HS6ST3: variants seen among roughly 807,000 people sequenced by gnomAD.
HS6ST3 encodes the protein heparan-sulfate 6-O-sulfotransferase 3.
Under a neutral mutation model 36.7 loss-of-function variants are expected in HS6ST3, and 12 were observed. The ratio of observed to expected loss-of-function variants is 0.33; its 90% CI spans 0.21 to 0.53. The LOEUF (loss-of-function observed/expected upper bound fraction) is 0.53. Ranked by LOEUF, HS6ST3 falls within the 20% of genes least tolerant of loss-of-function variation. The pLI is 0.95. For missense variants in HS6ST3, 584 were observed against 640.9 expected, an observed-to-expected ratio of 0.91 and a Z score of 0.96; for synonymous variants, 240 against 257.5, an observed-to-expected ratio of 0.93 and a Z score of 0.65.
At chr13:96,595,859 G>A (rs1471438802) in intron 1 of HS6ST3, among the ~76,000 whole-genome samples, 1 of 147,542 alleles carries the variant, frequency 6.8e-6, no homozygotes, top group Non-Finnish European at 1.5e-5. Context: ...TCAGCTCCAG[G>A]ATTTGTTTGA....
intron 1 of HS6ST3, among the ~76,000 whole-genome samples, chr13:96,297,664 C>G (rs909736045): frequency 1.1e-4 from 16 of 151,868 alleles, no homozygotes; most frequent in African/African-American, 3.9e-4. Context: ...GTATAGTTCT[C>G]CTCTCCCTCA....
At chr13:96,172,317 T>C (rs2054191432) in intron 1 of HS6ST3, among the ~76,000 whole-genome samples, 1 of 152,170 alleles carries the variant, frequency 6.6e-6, no homozygotes, top group Non-Finnish European at 1.5e-5. Flanking sequence ...CAGTCCAGTG[T>C]TGAAACCATG....
intron 1 of HS6ST3, among the ~76,000 whole-genome samples, chr13:96,558,307 G>A (rs2056248915): frequency 6.6e-6 from 1 of 152,188 alleles, no homozygotes; most frequent in South Asian, 2.1e-4. Flanking sequence ...TGTACTGTGT[G>A]CCAAGTTCTG....
chr13:96,098,769 T>A (rs990510090), intron 1 of HS6ST3, among the ~76,000 whole-genome samples: 4 of 152,224 alleles, frequency 2.6e-5, no homozygotes, highest in Admixed American at 2.6e-4. Context: ...TTATCTGCTC[T>A]GCACTTCAGT....
chr13:96,103,471 C>G (rs1367082163), intron 1 of HS6ST3, among the ~76,000 whole-genome samples: 2 of 152,112 alleles, frequency 1.3e-5, no homozygotes, highest in African/African-American at 2.4e-5. Context: ...GGCTGTCAAA[C>G]AAATGTTGAC....
At chr13:96,786,457 C>T (rs1877652408) in intron 1 of HS6ST3, among the ~76,000 whole-genome samples, 1 of 152,058 alleles carries the variant, frequency 6.6e-6, no homozygotes, top group South Asian at 2.1e-4. Flanking sequence ...TTCCCCAGAC[C>T]CTGGCATACA....
chr13:96,552,564 C>T (rs189436865), intron 1 of HS6ST3, among the ~76,000 whole-genome samples: 5 of 152,256 alleles, frequency 3.3e-5, no homozygotes, highest in African/African-American at 7.2e-5. Flanking sequence ...TCCTGCTGCC[C>T]GCTCTTGATG....
intron 1 of HS6ST3, among the ~76,000 whole-genome samples, chr13:96,324,996 G>A (rs1027707286): frequency 4.6e-5 from 7 of 152,146 alleles, no homozygotes; most frequent in Middle Eastern, 3.4e-3. Flanking sequence ...ATTTTAGGAT[G>A]GACAATTTGT....
At chr13:96,777,168 A>G (rs532298983) in intron 1 of HS6ST3, among the ~76,000 whole-genome samples, 46 of 152,288 alleles carry the variant, frequency 3.0e-4, no homozygotes, top group South Asian at 1.2e-3. Context: ...CACTCAATAA[A>G]CTAGGTACTG....
chr13:96,321,346 G>C (rs934268270), intron 1 of HS6ST3, among the ~76,000 whole-genome samples: 3 of 152,014 alleles, frequency 2.0e-5, no homozygotes, highest in Non-Finnish European at 4.4e-5. Flanking sequence ...GTGATCTCAT[G>C]ATCTTTTCTG....
intron 1 of HS6ST3, among the ~76,000 whole-genome samples, chr13:96,718,822 A>G (rs561815283): frequency 4.6e-5 from 7 of 152,266 alleles, no homozygotes; most frequent in Admixed American, 3.3e-4. Flanking sequence ...TGTGACTACT[A>G]TTTTCCACTT....
At chr13:96,829,181 G>T (rs532303129) in intron 1 of HS6ST3, among the ~76,000 whole-genome samples, 1 of 152,060 alleles carries the variant, frequency 6.6e-6, no homozygotes. Flanking sequence ...AATTTTCAGA[G>T]TGTGGTGGCA....
chr13:96,678,568 G>A (rs1440997303), intron 1 of HS6ST3, among the ~76,000 whole-genome samples: 4 of 151,868 alleles, frequency 2.6e-5, no homozygotes, highest in African/African-American at 7.3e-5. Flanking sequence ...CCAGCTACTC[G>A]GGAGGCTGAG....
At chr13:96,755,422 T>C (rs899139499) in intron 1 of HS6ST3, among the ~76,000 whole-genome samples, 3 of 152,122 alleles carry the variant, frequency 2.0e-5, no homozygotes, top group Admixed American at 6.6e-5. Flanking sequence ...TGGAGTGCAA[T>C]GGCATGGTCT....
At chr13:96,650,548 T>C (rs1045908013) in intron 1 of HS6ST3, among the ~76,000 whole-genome samples, 17 of 152,026 alleles carry the variant, frequency 1.1e-4, no homozygotes, top group African/African-American at 4.1e-4. Context: ...AGGGATTTGT[T>C]TATCTGAAAC....
intron 1 of HS6ST3, among the ~76,000 whole-genome samples, chr13:96,156,076 C>T (rs766031196): frequency 4.1e-4 from 62 of 152,148 alleles, no homozygotes; most frequent in Admixed American, 9.2e-4. Context: ...AAATACCTAG[C>T]TAATATCTAT....
chr13:96,234,119 A>G (rs9525161), intron 1 of HS6ST3, among the ~76,000 whole-genome samples: 77,826 of 151,040 alleles, frequency 0.52, 20,564 homozygotes, highest in Admixed American at 0.65. Context: ...AAAAAAGGAA[A>G]GAAAAAGAAG....
intron 1 of HS6ST3, among the ~76,000 whole-genome samples, chr13:96,224,625 C>G (rs1359119846): frequency 6.6e-6 from 1 of 152,202 alleles, no homozygotes; most frequent in African/African-American, 2.4e-5. Flanking sequence ...TGTATGTCAC[C>G]TTTTAGAAAT....
intron 1 of HS6ST3, among the ~76,000 whole-genome samples, chr13:96,364,554 A>C (rs1207049886): frequency 6.6e-6 from 1 of 152,180 alleles, no homozygotes; most frequent in East Asian, 1.9e-4. Context: ...TACTTAGAGT[A>C]GTCAAGTTCA....
Sources: gnomAD v4.1 joint callset for allele counts (sites outside exome capture counted in the v4.1 genomes callset) on GRCh38, gnomAD v4.1.1 for gene constraint, MANE v1.5 for transcripts, NCBI Gene and HGNC (gene_info 2026-07-23, HGNC 2026-07-21) for gene names.